SDHAF3: variants seen among roughly 807,000 people sequenced by gnomAD.
SDHAF3 encodes the protein succinate dehydrogenase assembly factor 3, mitochondrial.
In SDHAF3, 18 loss-of-function variants were observed where a neutral mutation model predicts 11.5. That is an observed-to-expected ratio of 1.56 (90% CI 1.08 to 2.32). The LOEUF is 2.32. SDHAF3 is among the 30% of genes most tolerant of loss of function. The probability of loss-of-function intolerance (pLI) is 0.00; values close to 1 mark genes in which losing one functional copy is unlikely to be tolerated. For synonymous variants in SDHAF3, 72 were observed against 59.3 expected (o/e 1.21, Z -0.99); for missense variants, 200 against 154.4 (o/e 1.30, Z -1.57).
chr7:97,154,679 C>A (rs573578538), intron 1 of SDHAF3, among the ~76,000 whole-genome samples: 2 of 152,172 alleles, frequency 1.3e-5, no homozygotes, highest in East Asian at 3.9e-4. Context: ...CTTTTGGTGT[C>A]AAGTATAAGA....
In SDHAF3 at chr7:97,162,812, A is replaced by G. The variant is rs147603111; in HGVS notation, c.175-18200A>G. On this transcript the variant is annotated intron_variant, in intron 1 of 1. Coordinates refer to ENST00000432641, the MANE Select transcript of SDHAF3 (RefSeq NM_020186.3). ...ACTGAGGAGTGTTTTACTTCCAATT[A>G]TGTGGTCAATTTTAGAATAATTGCG... 9.3e-3 allele frequency among the ~76,000 whole-genome samples: 1,418 copies of G among 152,232 alleles called. 21 individuals are homozygous for G. The highest frequency in any genetic ancestry group is 0.032 in the African/African-American group (1,329 of 41,530).
At chr7:97,173,921 T>TTTTTC (rs905598442) in intron 1 of SDHAF3, among the ~76,000 whole-genome samples, 2 of 151,084 alleles carry the variant, frequency 1.3e-5, no homozygotes, top group Non-Finnish European at 2.9e-5. Flanking sequence ...TAGCAGCTTT[T>TTTTTC]TTTTCTTTTT....
At position 97,181,428 on chromosome 7, in the gene SDHAF3, T is replaced by G. The variant is rs1789772797; in HGVS notation, c.*213T>G. On this transcript the variant is annotated 3_prime_UTR_variant, in exon 2 of 2. Transcript: ENST00000432641. ...AATAGCACTTGTATGAAATTCAGTT[T>G]TGGAACTAAACAGCAAATTTCTAGA... 1.5e-5 allele frequency: 6 copies of G among 406,276 alleles called. No homozygotes were observed. In the South Asian group the frequency reaches 2.7e-4, roughly 19 times the overall value. 25.2% of individuals were successfully genotyped at this position (406,276 alleles called of 1,614,324 possible). A position where few individuals can be genotyped will look rare whatever the true frequency, so the allele number is the denominator to read the frequency against.
At chr7:97,180,644 G>C (rs1463734075) in intron 1 of SDHAF3, among the ~76,000 whole-genome samples, 1 of 152,180 alleles carries the variant, frequency 6.6e-6, no homozygotes, top group African/African-American at 2.4e-5. Flanking sequence ...CATGGTTCCT[G>C]TTTGAGAATC....
chr7:97,152,492 C>G (rs1789240007), intron 1 of SDHAF3, among the ~76,000 whole-genome samples: 2 of 152,124 alleles, frequency 1.3e-5, no homozygotes, highest in Admixed American at 1.3e-4. Context: ...GTCTGGGTAA[C>G]ACCAGTGGAT....
chr7:97,119,318 C>T (rs1218633232), intron 1 of SDHAF3, among the ~76,000 whole-genome samples: 2 of 151,926 alleles, frequency 1.3e-5, no homozygotes, highest in Admixed American at 6.6e-5. Context: ...CACATGGAAG[C>T]CTCTTTGGGA....
At chr7:97,131,181 G>A (rs963015831) in intron 1 of SDHAF3, among the ~76,000 whole-genome samples, 3 of 152,220 alleles carry the variant, frequency 2.0e-5, no homozygotes, top group Non-Finnish European at 4.4e-5. Context: ...TGTGCTGTAA[G>A]ATGATTACAG....
At chr7:97,126,121 C>G (rs1218014140) in intron 1 of SDHAF3, among the ~76,000 whole-genome samples, 1 of 152,192 alleles carries the variant, frequency 6.6e-6, no homozygotes, top group Non-Finnish European at 1.5e-5. Flanking sequence ...TGGGTATTAC[C>G]AGCAGAGGCT....
intron 1 of SDHAF3, among the ~76,000 whole-genome samples, chr7:97,165,302 TA>T (rs1415041819): frequency 7.0e-6 from 1 of 142,454 alleles, no homozygotes; most frequent in East Asian, 2.1e-4. Flanking sequence ...AAATATAAAA[TA>T]AAATAAATTT....
intron 1 of SDHAF3, among the ~76,000 whole-genome samples, chr7:97,130,269 CTA>C (rs1491522464): frequency 9.9e-6 from 1 of 101,402 alleles, no homozygotes; most frequent in Non-Finnish European, 2.0e-5. Context: ...GATACCCAGT[CTA>C]AAAAAAAAAA....
chr7:97,118,728 G>A (rs2115604832), intron 1 of SDHAF3, among the ~76,000 whole-genome samples: 1 of 152,246 alleles, frequency 6.6e-6, no homozygotes, highest in East Asian at 1.9e-4. Flanking sequence ...TGAAAATAGA[G>A]GTAAGCGGTT....
intron 1 of SDHAF3, among the ~76,000 whole-genome samples, chr7:97,168,400 G>A (rs570731467): frequency 3.9e-5 from 6 of 152,282 alleles, no homozygotes; most frequent in Middle Eastern, 3.4e-3. Context: ...AGGCAAGAAG[G>A]GGGTTTGTTT....
At chr7:97,135,726 C>G (rs1485064274) in intron 1 of SDHAF3, among the ~76,000 whole-genome samples, 2 of 131,586 alleles carry the variant, frequency 1.5e-5, no homozygotes, top group East Asian at 4.5e-4. Flanking sequence ...CTCACTCTGT[C>G]GCCCAGGCTG....
chr7:97,128,563 A>G (rs1002813016), intron 1 of SDHAF3, among the ~76,000 whole-genome samples: 2 of 152,172 alleles, frequency 1.3e-5, no homozygotes, highest in Non-Finnish European at 2.9e-5. Context: ...ATAGTTCTGA[A>G]ACATTGTGTG....
chr7:97,128,059 G>A (rs1290874299), intron 1 of SDHAF3, among the ~76,000 whole-genome samples: 1 of 151,684 alleles, frequency 6.6e-6, no homozygotes, highest in Admixed American at 6.6e-5. Flanking sequence ...CACCACATCT[G>A]GCTAGTTTTT....
In SDHAF3 at chr7:97,121,968, C is replaced by T. The variant is rs777665983; in HGVS notation, c.174+4071C>T. Among the ~76,000 whole-genome samples the T allele has an allele frequency of 7.3e-4, 111 of 151,934 alleles. 1 individual carries two copies. Among genetic ancestry groups the T allele is most frequent in the Non-Finnish European group, 1.4e-3 (92 of 67,980 alleles). The stretch of plus-strand genomic sequence containing the variant: ...CGCCTCCCAGGTTCATGCCATTCTC[C>T]TGCCTCAGCCTCCTGAGTAGCTGGG... On this transcript the variant is annotated intron_variant, in intron 1 of 1. Transcript: ENST00000432641.
intron 1 of SDHAF3, among the ~76,000 whole-genome samples, chr7:97,153,709 G>A (rs1450019388): frequency 2.0e-5 from 3 of 151,846 alleles, no homozygotes; most frequent in East Asian, 3.9e-4. Flanking sequence ...CCAGCGTTTT[G>A]GTGACCATTT....
Position 97,128,189 on chromosome 7 carries a change from A to T in SDHAF3, c.174+10292A>T, listed in dbSNP as rs80105265. 4.9e-3 allele frequency among the ~76,000 whole-genome samples: 749 copies of T among 152,252 alleles called. 8 individuals are homozygous for T. Among genetic ancestry groups the T allele is most frequent in the African/African-American group, 0.017 (708 of 41,548 alleles). ...AAGTTTTAACTTTTAAAACATTTTA[A>T]CCATACTGTGGTCCTTAACTAATGG... is the stretch of plus-strand genomic sequence containing the variant. On this transcript the variant is annotated intron_variant, in intron 1 of 1. Transcript: ENST00000432641.
intron 1 of SDHAF3, among the ~76,000 whole-genome samples, chr7:97,176,579 T>C (rs1534370): frequency 0.58 from 87,658 of 151,844 alleles, 25,718 homozygotes; most frequent in Non-Finnish European, 0.63. Flanking sequence ...TTTTTCTCTC[T>C]TGCCAGGAAA....
Sources: allele counts gnomAD v4.1 joint callset (sites outside exome capture counted in the v4.1 genomes callset), GRCh38; gene constraint gnomAD v4.1.1; transcripts MANE v1.5; gene names NCBI Gene and HGNC (gene_info 2026-07-23, HGNC 2026-07-21).